Variants in CACNA2D1 observed in about 807,000 individuals in gnomAD.
The protein encoded by CACNA2D1 is voltage-dependent calcium channel subunit alpha-2/delta-1.
Under a neutral mutation model 171.5 loss-of-function variants are expected in CACNA2D1, and 53 were observed. The ratio of observed to expected loss-of-function variants is 0.31; its 90% CI spans 0.25 to 0.39. The LOEUF (loss-of-function observed/expected upper bound fraction) is 0.39. Among genes scored for constraint, CACNA2D1 ranks in the 10% least tolerant of loss-of-function variants. The pLI is 1.00. For missense variants in CACNA2D1, 903 were observed against 1,299.8 expected (o/e 0.69, Z 4.69); for synonymous variants, 442 against 443.1 (o/e 1.00, Z 0.03).
intron 10 of CACNA2D1, among the ~76,000 whole-genome samples, chr7:82,055,930 G>GTGTATATATATATATATATATATATATA (rs71093357): frequency 5.9e-4 from 66 of 111,440 alleles, no homozygotes; most frequent in African/African-American, 2.1e-3. Flanking sequence ...GTGTGTGTGT[G>GTGTATATATATATATATATATATATATA]TATATATATA....
intron 3 of CACNA2D1, among the ~76,000 whole-genome samples, chr7:82,300,018 G>C (rs1393586036): frequency 6.6e-6 from 1 of 152,092 alleles, no homozygotes; most frequent in Non-Finnish European, 1.5e-5. Flanking sequence ...ACAAAAACTT[G>C]AATCATGACC....
rs533413791 is a variant in CACNA2D1, at chr7:82,098,968, G to A, written c.527-14068C>T. Among the ~76,000 whole-genome samples the A allele has an allele frequency of 2.6e-5, 4 of 152,230 alleles. No individual in the cohort carries two copies. The South Asian group carries it at 8.3e-4, about 32-fold the overall frequency. ...CAAAACACAAAATTAGACATGTTAA[G>A]AATAAACTCAATTTAATTTTAAACC... On this transcript the variant is annotated intron_variant, in intron 6 of 38. Transcript: ENST00000356860.
intron 1 of CACNA2D1, among the ~76,000 whole-genome samples, chr7:82,440,568 G>C (rs1830424817): frequency 6.6e-6 from 1 of 151,720 alleles, no homozygotes; most frequent in African/African-American, 2.4e-5. Flanking sequence ...ACACCTTAGG[G>C]AGACAAACAT....
chr7:82,443,281 GC>G (rs1173649938), intron 1 of CACNA2D1, 83 bp downstream of exon 1: 3 of 1,323,822 alleles, frequency 2.3e-6, no homozygotes, highest in Non-Finnish European at 3.1e-6. Context: ...GGGCGGAAAA[GC>G]CCCGCGACTC....
At chr7:82,222,495 A>G (rs10229296) in intron 3 of CACNA2D1, among the ~76,000 whole-genome samples, 33,779 of 152,058 alleles carry the variant, frequency 0.22, 5,096 homozygotes, top group African/African-American at 0.42. Context: ...TCTTAAGACC[A>G]AGAGTATTGG....
At chr7:82,106,753 ACT>A in intron 6 of CACNA2D1, among the ~76,000 whole-genome samples, 1 of 152,304 alleles carries the variant, frequency 6.6e-6, no homozygotes, top group South Asian at 2.1e-4. Context: ...AAGAAAAGGC[ACT>A]GAGAAATATC....
At chr7:82,363,532 T>C (rs1821330415) in intron 1 of CACNA2D1, among the ~76,000 whole-genome samples, 1 of 152,088 alleles carries the variant, frequency 6.6e-6, no homozygotes, top group South Asian at 2.1e-4. Flanking sequence ...CCCAAAGTGC[T>C]GGGATTATAG....
intron 1 of CACNA2D1, among the ~76,000 whole-genome samples, chr7:82,382,275 T>C (rs1017564383): frequency 6.6e-6 from 1 of 152,230 alleles, no homozygotes; most frequent in African/African-American, 2.4e-5. Context: ...TTACTAGAAC[T>C]AAAATGAAAG....
chr7:82,009,753 T>A (rs1443134058), intron 15 of CACNA2D1, among the ~76,000 whole-genome samples: 7 of 152,038 alleles, frequency 4.6e-5, no homozygotes, highest in Non-Finnish European at 2.9e-5. Context: ...TTTTTTCTCA[T>A]TTACTAAGCA....
intron 2 of CACNA2D1, among the ~76,000 whole-genome samples, chr7:82,336,848 G>T (rs1189068378): frequency 1.3e-5 from 2 of 152,152 alleles, no homozygotes; most frequent in African/African-American, 2.4e-5. Context: ...GTGAAATGTA[G>T]TGTGCATTGT....
chr7:82,169,284 A>G (rs1018657878), intron 4 of CACNA2D1, among the ~76,000 whole-genome samples: 2 of 151,948 alleles, frequency 1.3e-5, no homozygotes, highest in Non-Finnish European at 2.9e-5. Context: ...TATATCATGG[A>G]TAGCAAATTG....
chr7:82,020,958 A>G (rs982954081), intron 12 of CACNA2D1: 4 of 152,178 alleles, frequency 2.6e-5, no homozygotes, highest in Non-Finnish European at 5.9e-5. Context: ...ACACATTCAC[A>G]AAGAACCAAG....
intron 12 of CACNA2D1, among the ~76,000 whole-genome samples, chr7:82,020,158 A>G (rs37141): frequency 0.54 from 81,854 of 152,038 alleles, 24,861 homozygotes; most frequent in African/African-American, 0.84. Context: ...ACCTTAGCCT[A>G]TGAAAGCTGT....
chr7:82,147,421 G>A (rs1044914295), intron 4 of CACNA2D1, among the ~76,000 whole-genome samples: 3 of 152,120 alleles, frequency 2.0e-5, no homozygotes, highest in Non-Finnish European at 2.9e-5. Flanking sequence ...AAATCTCCCA[G>A]AAACCTCATT....
chr7:82,432,037 TAAAA>T (rs34180150), intron 1 of CACNA2D1, among the ~76,000 whole-genome samples: 21 of 82,218 alleles, frequency 2.6e-4, no homozygotes, highest in South Asian at 2.2e-3. Flanking sequence ...GACTCTGTCT[TAAAA>T]AAAAAAAAAA....
In CACNA2D1 at chr7:81,950,248, CTGCGCCTTAGTGTTA is replaced by C; in HGVS notation, c.*129_*143del. 1 of 1,473,856 alleles carries C rather than the reference CTGCGCCTTAGTGTTA, an allele frequency of 6.8e-7. No individual in the cohort carries two copies. The highest frequency in any genetic ancestry group is 9.3e-7 in the Non-Finnish European group (1 of 1,074,214). The allele number at this position is 1,473,856 out of a possible 1,614,324, so 91.3% of individuals were successfully genotyped here. ...TGCAGCCAGTGGGTGCCTTAGGAGTCTGCGCCTTAGTGTTATGCCATGGAACAGGCCCAGCTAATG... is the reference window on the plus strand; with the variant it reads ...TGCAGCCAGTGGGTGCCTTAGGAGTCTGCCATGGAACAGGCCCAGCTAATG... On this transcript the variant is annotated 3_prime_UTR_variant, in exon 39 of 39. Coordinates refer to ENST00000356860, the MANE Select transcript of CACNA2D1 (RefSeq NM_000722.4).
intron 6 of CACNA2D1, among the ~76,000 whole-genome samples, chr7:82,099,281 C>G (rs1812325687): frequency 6.6e-6 from 1 of 151,968 alleles, no homozygotes; most frequent in South Asian, 2.1e-4. Flanking sequence ...CAATTTTTCC[C>G]TTCCATTCAC....
intron 1 of CACNA2D1, among the ~76,000 whole-genome samples, chr7:82,411,236 G>T (rs1290579321): frequency 6.6e-6 from 1 of 152,070 alleles, no homozygotes; most frequent in Non-Finnish European, 1.5e-5. Context: ...GCGTGAGAGG[G>T]GAATGCAATG....
At chr7:82,259,420 C>T (rs1585247588) in intron 3 of CACNA2D1, among the ~76,000 whole-genome samples, 3 of 152,070 alleles carry the variant, frequency 2.0e-5, no homozygotes, top group Admixed American at 2.0e-4. Flanking sequence ...AAGTATACCT[C>T]ATTCGTGTCA....
Sources: gnomAD v4.1 joint callset for allele counts (sites outside exome capture counted in the v4.1 genomes callset) on GRCh38, gnomAD v4.1.1 for gene constraint, MANE v1.5 for transcripts, NCBI Gene and HGNC (gene_info 2026-07-23, HGNC 2026-07-21) for gene names.